MMP24: variants seen among roughly 807,000 people sequenced by gnomAD.
The protein encoded by MMP24 is matrix metallopeptidase 24.
MMP24 carries 25 observed loss-of-function variants against 62.8 expected under a neutral mutation model. That is an observed-to-expected ratio of 0.40 (90% CI 0.29 to 0.56). The LOEUF (loss-of-function observed/expected upper bound fraction) is 0.56. Among genes scored for constraint, MMP24 ranks in the 20% least tolerant of loss-of-function variants. MMP24 has a pLI of 0.50. For missense variants in MMP24, 634 were observed against 853.6 expected (o/e 0.74, Z 3.21); for synonymous variants, 319 against 350.5 (o/e 0.91, Z 1.00).
At chr20:35,244,057 T>G (rs547456161) in intron 1 of MMP24, among the ~76,000 whole-genome samples, 11 of 152,236 alleles carry the variant, frequency 7.2e-5, no homozygotes, top group Non-Finnish European at 1.3e-4. Context: ...TATAGTCACC[T>G]TTGGTGAAGC....
chr20:35,245,827 A>G (rs1217531513), intron 1 of MMP24, among the ~76,000 whole-genome samples: 1 of 151,948 alleles, frequency 6.6e-6, no homozygotes, highest in Non-Finnish European at 1.5e-5. Context: ...AAAAAAAAGA[A>G]TAAGTTGCAG....
rs949207932 is a variant in MMP24, at chr20:35,248,982, A to G, written c.395+1994A>G. 2.0e-5 allele frequency among the ~76,000 whole-genome samples: 3 copies of G among 152,168 alleles called. No individual in the cohort carries two copies. In the East Asian group the frequency reaches 5.8e-4, roughly 29 times the overall value. On this transcript the variant is annotated intron_variant, in intron 2 of 8. Coordinates refer to ENST00000246186, the MANE Select transcript of MMP24 (RefSeq NM_006690.4). ...TCAGAGAGTGGCAGGTGGATGGTGA[A>G]AGGAGGAGGCAGCGGGAATGATCCG...
intron 5 of MMP24, among the ~76,000 whole-genome samples, chr20:35,265,351 A>G (rs1486854335): frequency 1.3e-5 from 2 of 152,088 alleles, no homozygotes; most frequent in African/African-American, 4.8e-5. Context: ...CTGAGGCAGG[A>G]GAATCACTTG....
intron 6 of MMP24, among the ~76,000 whole-genome samples, chr20:35,268,843 T>A (rs142030405): frequency 0.019 from 2,836 of 152,086 alleles, 48 homozygotes; most frequent in Middle Eastern, 0.051. Context: ...CTGGCTAACA[T>A]GGTGAAACCC....
chr20:35,257,044 C>G (rs886091894), intron 4 of MMP24, among the ~76,000 whole-genome samples: 1 of 152,186 alleles, frequency 6.6e-6, no homozygotes, highest in African/African-American at 2.4e-5. Flanking sequence ...CTGCTCCAGG[C>G]TGAGAGCAGA....
In MMP24 at chr20:35,267,265, T is replaced by C; in HGVS notation, c.1040T>C (p.Ile347Thr). 6.2e-7 allele frequency: 1 copy of C among 1,606,740 alleles called. No individual in the cohort carries two copies. Among genetic ancestry groups the C allele is most frequent in the Non-Finnish European group, 8.5e-7 (1 of 1,176,968 alleles). The change falls in exon 6 of 9, where the codon ATC becomes ACC. Residue 347 changes from isoleucine to threonine, a missense_variant. Physicochemically the swap from Ile to Thr is moderately conservative, Grantham distance 89. Around this residue, in one of 3 missense-constraint regions of MMP24, gnomAD observed 399 missense variants for 530.8 expected, o/e 0.75. Coordinates refer to ENST00000246186, the MANE Select transcript of MMP24 (RefSeq NM_006690.4). ...RPLPTLPVRR[I>T]HSPSERKHER... is the part of the protein sequence containing the mutation. ...CTCCCTACACTCCCCGTCCGCAGGATCCACTCACCATCGGAGAGGAAACAC... is the reference window on the plus strand; with the variant it reads ...CTCCCTACACTCCCCGTCCGCAGGACCCACTCACCATCGGAGAGGAAACAC...
chr20:35,256,714 C>CAAAAAAA (rs74173944), intron 4 of MMP24, among the ~76,000 whole-genome samples: 3 of 39,716 alleles, frequency 7.6e-5, no homozygotes, highest in Admixed American at 3.8e-4. Flanking sequence ...GATTCCGTCT[C>CAAAAAAA]AAAAAAAAAA....
rs767252901 is a variant in MMP24 at position 35,252,028 on chromosome 20, C to T, written c.512+7C>T. 7.5e-6 allele frequency: 12 copies of T among 1,599,056 alleles called. No homozygotes were observed. Among genetic ancestry groups the T allele is most frequent in the East Asian group, 6.7e-5 (3 of 44,828 alleles). On this transcript the variant is annotated splice_region_variant and intron_variant, in intron 3 of 8. Coordinates refer to ENST00000246186, the MANE Select transcript of MMP24 (RefSeq NM_006690.4). ...AAAAACACATCACCTACAGGTGCTT[C>T]GACTCTCCCTCTTCCTCCCTGCCTT...
At chr20:35,264,807 C>G (rs1224525899) in intron 5 of MMP24, among the ~76,000 whole-genome samples, 1 of 149,766 alleles carries the variant, frequency 6.7e-6, no homozygotes, top group Admixed American at 6.7e-5. Context: ...CTACACACCT[C>G]TCTCCCAGTT....
intron 1 of MMP24, among the ~76,000 whole-genome samples, chr20:35,233,967 A>G (rs2060449816): frequency 6.6e-6 from 1 of 152,218 alleles, no homozygotes; most frequent in Non-Finnish European, 1.5e-5. Context: ...CCTGGGCCAC[A>G]GCGCAAAACC....
At chr20:35,262,140 C>T (rs559602230) in intron 4 of MMP24, among the ~76,000 whole-genome samples, 1 of 152,180 alleles carries the variant, frequency 6.6e-6, no homozygotes, top group Non-Finnish European at 1.5e-5. Context: ...GGTGGGTTGC[C>T]CCTCCACACC....
chr20:35,238,107 G>A (rs368424825), intron 1 of MMP24, among the ~76,000 whole-genome samples: 1 of 152,218 alleles, frequency 6.6e-6, no homozygotes, highest in Non-Finnish European at 1.5e-5. Flanking sequence ...TGACCAAGGA[G>A]ATGGACAAGG....
intron 5 of MMP24, among the ~76,000 whole-genome samples, chr20:35,264,500 T>C (rs1248134410): frequency 1.3e-5 from 2 of 151,998 alleles, no homozygotes; most frequent in African/African-American, 4.8e-5. Flanking sequence ...GAGACCAGTC[T>C]GGCCAACATG....
chr20:35,264,243 C>T, intron 5 of MMP24: 1 of 231,314 alleles, frequency 4.3e-6, no homozygotes, highest in Non-Finnish European at 8.4e-6. Flanking sequence ...CCACACTCTT[C>T]CCCGTCCCTT....
At chr20:35,242,511 A>C (rs1374627062) in intron 1 of MMP24, among the ~76,000 whole-genome samples, 1 of 152,204 alleles carries the variant, frequency 6.6e-6, no homozygotes, top group Non-Finnish European at 1.5e-5. Flanking sequence ...TCCTGGGAGA[A>C]AGACAAAAAG....
chr20:35,255,413 C>T (rs1367395777), intron 4 of MMP24, among the ~76,000 whole-genome samples: 2 of 152,030 alleles, frequency 1.3e-5, no homozygotes, highest in African/African-American at 2.4e-5. Flanking sequence ...ATGAGGGCTC[C>T]AAAAGCCATC....
intron 6 of MMP24, among the ~76,000 whole-genome samples, chr20:35,268,243 C>T (rs541332509): frequency 1.2e-4 from 18 of 152,308 alleles, no homozygotes; most frequent in African/African-American, 4.1e-4. Context: ...CTGAGGAGAG[C>T]TCTCTGAAGC....
chr20:35,261,604 G>A (rs1198095652), intron 4 of MMP24, among the ~76,000 whole-genome samples: 3 of 152,088 alleles, frequency 2.0e-5, no homozygotes. Flanking sequence ...GACCTGGAGT[G>A]TGTTTTCACC....
intron 1 of MMP24, chr20:35,236,079 A>G (rs1600773140): frequency 6.6e-6 from 1 of 152,234 alleles, no homozygotes; most frequent in East Asian, 1.9e-4. Flanking sequence ...TAGTGCACTT[A>G]CCACCCACTC....
Sources: allele counts gnomAD v4.1 joint callset (sites outside exome capture counted in the v4.1 genomes callset), GRCh38; gene constraint gnomAD v4.1.1; regional missense constraint gnomAD v4.1.1; transcripts MANE v1.5; gene names NCBI Gene and HGNC (gene_info 2026-07-23, HGNC 2026-07-21).